The following PFDN1 variants were observed in gnomAD, a reference collection of about 807,000 sequenced individuals.
PFDN1 encodes the protein prefoldin 1.
In PFDN1, 6 loss-of-function variants were observed where a neutral mutation model predicts 17.3. The ratio of observed to expected loss-of-function variants is 0.35; its 90% CI spans 0.19 to 0.69. The LOEUF (loss-of-function observed/expected upper bound fraction) is 0.69. Ranked by LOEUF, PFDN1 falls within the 30% of genes least tolerant of loss-of-function variation. The probability of loss-of-function intolerance (pLI) is 0.65; values close to 1 mark genes in which losing one functional copy is unlikely to be tolerated. For missense variants in PFDN1, 113 were observed against 146.2 expected (o/e 0.77, Z 1.17); for synonymous variants, 58 against 50.1 (o/e 1.16, Z -0.67).
chr5:140,264,087 C>T (rs982425682), intron 3 of PFDN1, among the ~76,000 whole-genome samples: 1 of 139,618 alleles, frequency 7.2e-6, no homozygotes, highest in Non-Finnish European at 1.5e-5. Context: ...GGGGAGCCAG[C>T]ACGTCACATG....
intron 3 of PFDN1, among the ~76,000 whole-genome samples, chr5:140,248,856 T>C (rs557940015): frequency 1.3e-5 from 2 of 152,390 alleles, no homozygotes; most frequent in African/African-American, 4.8e-5. Context: ...ATTTTTGTTT[T>C]GTTTCTAGAA....
At chr5:140,251,242 A>G (rs531698185) in intron 3 of PFDN1, among the ~76,000 whole-genome samples, 2 of 152,322 alleles carry the variant, frequency 1.3e-5, no homozygotes, top group South Asian at 2.1e-4. Context: ...AGCCCACATT[A>G]TATTTATAAA....
intron 3 of PFDN1, among the ~76,000 whole-genome samples, chr5:140,274,226 T>G (rs1024948219): frequency 1.3e-5 from 2 of 152,186 alleles, no homozygotes; most frequent in African/African-American, 4.8e-5. Context: ...AAACTGAATT[T>G]TGTCAAAAAA....
intron 3 of PFDN1, among the ~76,000 whole-genome samples, chr5:140,259,378 G>A (rs1215051351): frequency 6.6e-6 from 1 of 152,182 alleles, no homozygotes; most frequent in African/African-American, 2.4e-5. Context: ...CACAAGGGTT[G>A]TAGAAGCATC....
At chr5:140,288,683 T>C (rs772319632) in intron 2 of PFDN1, among the ~76,000 whole-genome samples, 74 of 152,298 alleles carry the variant, frequency 4.9e-4, no homozygotes, top group South Asian at 1.4e-3. Context: ...CTAAAACTAC[T>C]ATAAAAAAAT....
At chr5:140,257,799 G>A (rs1476926975) in intron 3 of PFDN1, among the ~76,000 whole-genome samples, 1 of 152,212 alleles carries the variant, frequency 6.6e-6, no homozygotes, top group Non-Finnish European at 1.5e-5. Context: ...TATCCCTGGA[G>A]ATTATACTGT....
intron 3 of PFDN1, among the ~76,000 whole-genome samples, chr5:140,266,834 T>C (rs1001055063): frequency 5.9e-5 from 9 of 152,288 alleles, no homozygotes; most frequent in African/African-American, 1.9e-4. Flanking sequence ...ACTAGACTGC[T>C]GTCTCTATAG....
chr5:140,288,446 G>T (rs1318497766), intron 2 of PFDN1, among the ~76,000 whole-genome samples: 1 of 152,188 alleles, frequency 6.6e-6, no homozygotes, highest in Non-Finnish European at 1.5e-5. Context: ...AACAGGTGGA[G>T]CACAAGGAAT....
At chr5:140,269,122 C>T (rs924368272) in intron 3 of PFDN1, among the ~76,000 whole-genome samples, 1 of 152,124 alleles carries the variant, frequency 6.6e-6, no homozygotes, top group African/African-American at 2.4e-5. Context: ...AAGCAATCCT[C>T]CCACCTCAGC....
At chr5:140,294,650 C>G (rs1765627089) in intron 2 of PFDN1, among the ~76,000 whole-genome samples, 2 of 151,996 alleles carry the variant, frequency 1.3e-5, no homozygotes, top group Non-Finnish European at 2.9e-5. Flanking sequence ...ATAAAGAGTT[C>G]AGATTTCTAC....
chr5:140,245,207 A>C lies in PFDN1; in HGVS notation c.*767T>G. Reference sequence around the variant, plus strand: ...TAATTGGCCCACCTGGGCTGGGATGAGCCAGCTGGATCACACCGTTGCCCC... The same window carrying C: ...TAATTGGCCCACCTGGGCTGGGATGCGCCAGCTGGATCACACCGTTGCCCC... On this transcript the variant is annotated 3_prime_UTR_variant, in exon 4 of 4. Transcript: ENST00000261813. 2.8e-6 allele frequency: 1 copy of C among 351,680 alleles called. No individual in the cohort carries two copies. Among genetic ancestry groups the C allele is most frequent in the Non-Finnish European group, 5.1e-6 (1 of 194,720 alleles). The allele number at this position is 351,680 out of a possible 1,614,324, so 21.8% of individuals were successfully genotyped here.
chr5:140,272,383 CAG>C (rs1224975001), intron 3 of PFDN1, among the ~76,000 whole-genome samples: 1 of 120,368 alleles, frequency 8.3e-6, no homozygotes, highest in African/African-American at 3.2e-5. Flanking sequence ...TTTTTTGAGA[CAG>C]AGTCTTGCTC....
intron 3 of PFDN1, among the ~76,000 whole-genome samples, chr5:140,267,834 A>C (rs1765155641): frequency 6.6e-6 from 1 of 152,100 alleles, no homozygotes; most frequent in Non-Finnish European, 1.5e-5. Flanking sequence ...ACAGAGTTTG[A>C]GCCTTTAGAG....
chr5:140,267,103 A>G (rs891512079), intron 3 of PFDN1, among the ~76,000 whole-genome samples: 6 of 152,050 alleles, frequency 3.9e-5, no homozygotes, highest in Admixed American at 3.3e-4. Context: ...TACTGGAATC[A>G]CACATGCTGC....
intron 3 of PFDN1, among the ~76,000 whole-genome samples, chr5:140,267,683 TCCGACAACGC>T (rs1162356359): frequency 6.6e-6 from 1 of 151,898 alleles, no homozygotes; most frequent in Non-Finnish European, 1.5e-5. Context: ...AGCAATTCAG[TCCGACAACGC>T]CCGACAACTA....
intron 1 of PFDN1, 137 bp from the exon 2 acceptor site, chr5:140,300,719 C>A: frequency 1.7e-6 from 1 of 597,498 alleles, no homozygotes; most frequent in Non-Finnish European, 2.9e-6. Flanking sequence ...TAAAAGTCAA[C>A]ATAACTGTAA....
At chr5:140,256,844 C>T (rs1256473639) in intron 3 of PFDN1, among the ~76,000 whole-genome samples, 3 of 152,074 alleles carry the variant, frequency 2.0e-5, no homozygotes, top group Non-Finnish European at 1.5e-5. Context: ...CTGCCCTCGT[C>T]CTAGTCCAAG....
At chr5:140,302,421 GA>G (rs1208189865) in intron 1 of PFDN1, among the ~76,000 whole-genome samples, 1 of 152,170 alleles carries the variant, frequency 6.6e-6, no homozygotes, top group African/African-American at 2.4e-5. Context: ...GTTTTATTTG[GA>G]AAACTTTACT....
chr5:140,272,172 A>G (rs1480435675), intron 3 of PFDN1, among the ~76,000 whole-genome samples: 2 of 151,474 alleles, frequency 1.3e-5, no homozygotes, highest in African/African-American at 4.8e-5. Context: ...GACGCGTGCC[A>G]CCAGGCCCAG....
Sources: allele counts gnomAD v4.1 joint callset (sites outside exome capture counted in the v4.1 genomes callset), GRCh38; gene constraint gnomAD v4.1.1; transcripts MANE v1.5; gene names NCBI Gene and HGNC (gene_info 2026-07-23, HGNC 2026-07-21).